AOPEP: variants seen among roughly 807,000 people sequenced by gnomAD.
AOPEP encodes the protein aminopeptidase O.
In AOPEP, 77 loss-of-function variants were observed where a neutral mutation model predicts 98.1. That is an observed-to-expected ratio of 0.78 (90% CI 0.65 to 0.95). The LOEUF is 0.95. AOPEP is among the 40% of genes least tolerant of loss of function. The pLI, the probability that AOPEP is intolerant of heterozygous loss-of-function variation, is 0.00. For missense variants in AOPEP, 1,024 were observed against 1,024.7 expected (o/e 1.00, Z 0.01); for synonymous variants, 346 against 365.3 (o/e 0.95, Z 0.60).
chr9:95,044,940 G>T (rs763317579), intron 13 of AOPEP, among the ~76,000 whole-genome samples: 20 of 151,860 alleles, frequency 1.3e-4, no homozygotes, highest in Admixed American at 1.3e-3. Flanking sequence ...AGTCCCTCTC[G>T]GCACACATCT....
At chr9:94,986,824 T>C (rs2060551691) in intron 11 of AOPEP, among the ~76,000 whole-genome samples, 1 of 152,216 alleles carries the variant, frequency 6.6e-6, no homozygotes, top group Non-Finnish European at 1.5e-5. Context: ...GCTTCCTTCA[T>C]TTCTGTCTTT....
chr9:94,813,832 T>G (rs1851138265), intron 5 of AOPEP, among the ~76,000 whole-genome samples: 1 of 152,220 alleles, frequency 6.6e-6, no homozygotes, highest in African/African-American at 2.4e-5. Context: ...TTTCATATTC[T>G]GCTCCCCATA....
At chr9:94,813,804 C>T (rs998643441) in intron 5 of AOPEP, among the ~76,000 whole-genome samples, 7 of 152,104 alleles carry the variant, frequency 4.6e-5, no homozygotes, top group African/African-American at 1.4e-4. Flanking sequence ...AAGGGCAAGC[C>T]CCAGACAACC....
the AOPEP span, among the ~76,000 whole-genome samples, chr9:95,141,057 C>T: frequency 6.6e-6 from 1 of 152,174 alleles, no homozygotes; most frequent in East Asian, 1.9e-4. Context: ...GGCCTGTAGT[C>T]TCAGCACTTT....
intron 5 of AOPEP, among the ~76,000 whole-genome samples, chr9:94,909,738 C>T (rs977521023): frequency 1.4e-4 from 22 of 152,226 alleles, no homozygotes; most frequent in African/African-American, 5.3e-4. Flanking sequence ...GGTGAGTCAC[C>T]AGTTTCAGGC....
intron 1 of AOPEP, among the ~76,000 whole-genome samples, chr9:94,740,493 C>T (rs532694380): frequency 6.6e-6 from 1 of 152,334 alleles, no homozygotes; most frequent in South Asian, 2.1e-4. Flanking sequence ...CATAACCCTT[C>T]CAGCAGAACT....
chr9:94,968,668 A>T (rs945661011), intron 10 of AOPEP, among the ~76,000 whole-genome samples: 2 of 152,228 alleles, frequency 1.3e-5, no homozygotes, highest in South Asian at 4.1e-4. Context: ...CTTAACTGTG[A>T]CATTTGGAGC....
chr9:95,125,229 C>A, the AOPEP span: 7 of 1,521,462 alleles, frequency 4.6e-6, no homozygotes, highest in African/African-American at 9.6e-5. Context: ...AACAAGTAAT[C>A]CGGCAAACAT....
At chr9:94,856,169 C>G (rs571323822) in intron 5 of AOPEP, among the ~76,000 whole-genome samples, 1 of 152,154 alleles carries the variant, frequency 6.6e-6, no homozygotes, top group Non-Finnish European at 1.5e-5. Context: ...TGTTCATAGA[C>G]CAGCATGCAC....
chr9:94,753,833 A>G (rs1005986622), intron 1 of AOPEP, among the ~76,000 whole-genome samples: 2 of 152,200 alleles, frequency 1.3e-5, no homozygotes, highest in Non-Finnish European at 2.9e-5. Flanking sequence ...GCAAAACGGA[A>G]TTTCTAGACA....
intron 6 of AOPEP, among the ~76,000 whole-genome samples, chr9:94,926,175 C>A (rs2054290998): frequency 6.6e-6 from 1 of 152,212 alleles, no homozygotes; most frequent in Non-Finnish European, 1.5e-5. Context: ...CCTCCTTACC[C>A]TTCCCTTTGC....
At chr9:94,899,271 G>T (rs948099053) in intron 5 of AOPEP, among the ~76,000 whole-genome samples, 133 of 123,606 alleles carry the variant, frequency 1.1e-3, no homozygotes, top group African/African-American at 3.4e-3. Context: ...TGCAAGCTCC[G>T]CCTCCTGGGT....
At chr9:94,879,946 G>A (rs527718362) in intron 5 of AOPEP, among the ~76,000 whole-genome samples, 1 of 152,326 alleles carries the variant, frequency 6.6e-6, no homozygotes, top group African/African-American at 2.4e-5. Context: ...GGACCAAGTG[G>A]TTGTCAGGCC....
At chr9:95,104,050 C>T in the AOPEP span, among the ~76,000 whole-genome samples, 2 of 152,144 alleles carry the variant, frequency 1.3e-5, no homozygotes, top group East Asian at 1.9e-4. Flanking sequence ...GAAAGGCCGT[C>T]CCACCAAAGC....
intron 14 of AOPEP, among the ~76,000 whole-genome samples, chr9:95,071,456 G>A (rs1171241507): frequency 6.6e-6 from 1 of 152,148 alleles, no homozygotes; most frequent in Non-Finnish European, 1.5e-5. Context: ...CCGTATTTAT[G>A]TATAGTCATC....
chr9:94,974,514 G>A (rs1322527078), intron 10 of AOPEP, among the ~76,000 whole-genome samples: 5 of 152,190 alleles, frequency 3.3e-5, no homozygotes, highest in African/African-American at 4.8e-5. Flanking sequence ...CTTCATTCAC[G>A]GAGAGGGCCT....
chr9:95,118,999 T>C, the AOPEP span, among the ~76,000 whole-genome samples: 10 of 152,340 alleles, frequency 6.6e-5, no homozygotes, highest in South Asian at 6.2e-4. Context: ...GGTTTTCCGG[T>C]GTTGTACCAT....
At chr9:95,124,945 G>C in the AOPEP span, 1 of 743,010 alleles carries the variant, frequency 1.3e-6, no homozygotes, top group African/African-American at 1.7e-5. Context: ...CTTAACCTTT[G>C]TTGGGGCACT....
intron 9 of AOPEP, among the ~76,000 whole-genome samples, chr9:94,967,407 G>T (rs1366625917): frequency 6.6e-6 from 1 of 152,196 alleles, no homozygotes; most frequent in African/African-American, 2.4e-5. Context: ...TCTAGGGAAG[G>T]TTCAGGAATT....
Sources: allele counts gnomAD v4.1 joint callset (sites outside exome capture counted in the v4.1 genomes callset), GRCh38; gene constraint gnomAD v4.1.1; transcripts MANE v1.5; gene names NCBI Gene and HGNC (gene_info 2026-07-23, HGNC 2026-07-21).